The following CCDC152 variants were observed in gnomAD, a reference collection of about 807,000 sequenced individuals.
CCDC152 encodes coiled-coil domain containing 152.
Under a neutral mutation model 38.1 loss-of-function variants are expected in CCDC152, and 37 were observed. The observed-to-expected ratio is 0.97, with a 90% CI of 0.75 to 1.28. The LOEUF is 1.28. Among genes scored for constraint, CCDC152 ranks in the 50% most tolerant of loss-of-function variants. CCDC152 has a pLI of 0.00. For synonymous variants in CCDC152, 83 were observed against 87.1 expected (o/e 0.95, Z 0.26); for missense variants, 259 against 292.1 (o/e 0.89, Z 0.83).
At chr5:42,769,558 G>C (rs1428318341) in intron 3 of CCDC152, 39 bp from the exon 4 acceptor site, 8 of 1,428,408 alleles carry the variant, frequency 5.6e-6, no homozygotes, top group South Asian at 1.4e-5. Flanking sequence ...CAAAATGAAA[G>C]CAAGGGATTT....
At chr5:42,781,552 C>T (rs568824404) in intron 5 of CCDC152, among the ~76,000 whole-genome samples, 37 of 94,736 alleles carry the variant, frequency 3.9e-4, no homozygotes, top group Admixed American at 9.1e-4. Flanking sequence ...AATGCGCGCG[C>T]GCGCACACAC....
chr5:42,797,058 C>T (rs922379359), intron 7 of CCDC152, 102 bp downstream of exon 7: 2 of 905,374 alleles, frequency 2.2e-6, no homozygotes, highest in East Asian at 6.5e-5. Flanking sequence ...GGATTAGAAG[C>T]AATTCTGTGA....
rs1034602083 is a variant in CCDC152 at position 42,802,178 on chromosome 5, G to T, written c.*2397G>T. On this transcript the variant is annotated 3_prime_UTR_variant, in exon 9 of 9. Coordinates refer to ENST00000361970, the MANE Select transcript of CCDC152 (RefSeq NM_001134848.2). Reference sequence around the variant, plus strand: ...AGCTGAAAATAGCAAATTACTGCCCGACTCCCATTGACCATAATATCCATT... The same window carrying T: ...AGCTGAAAATAGCAAATTACTGCCCTACTCCCATTGACCATAATATCCATT... 7.9e-5 allele frequency: 12 copies of T among 152,096 alleles called. No homozygotes were observed. The highest frequency in any genetic ancestry group is 2.9e-4 in the African/African-American group (12 of 41,410). 9.4% of individuals were successfully genotyped at this position (152,096 alleles called of 1,614,324 possible). A position where few individuals can be genotyped will look rare whatever the true frequency, so the allele number is the denominator to read the frequency against.
At chr5:42,759,294 T>A in intron 2 of CCDC152, 86 bp downstream of exon 2, 1 of 677,752 alleles carries the variant, frequency 1.5e-6, no homozygotes, top group Non-Finnish European at 2.5e-6. Flanking sequence ...GAAAGAAAAA[T>A]ATACCAAAAA....
intron 5 of CCDC152, among the ~76,000 whole-genome samples, chr5:42,781,972 A>G (rs905887245): frequency 6.6e-6 from 1 of 152,138 alleles, no homozygotes; most frequent in Non-Finnish European, 1.5e-5. Context: ...TATCTTCACA[A>G]TTGTAAAATA....
chr5:42,782,781 G>A (rs913033563), intron 5 of CCDC152, among the ~76,000 whole-genome samples: 1 of 151,808 alleles, frequency 6.6e-6, no homozygotes, highest in Non-Finnish European at 1.5e-5. Flanking sequence ...TAATTGGCTT[G>A]AGTTTAGGCA....
intron 6 of CCDC152, 79 bp downstream of exon 6, chr5:42,783,655 A>T (rs1759878223): frequency 1.7e-6 from 1 of 580,754 alleles, no homozygotes; most frequent in Admixed American, 5.0e-5. Flanking sequence ...GGTATTTTGT[A>T]TAATGCTGGT....
At chr5:42,782,832 T>G (rs1399969415) in intron 5 of CCDC152, among the ~76,000 whole-genome samples, 1 of 152,018 alleles carries the variant, frequency 6.6e-6, no homozygotes, top group African/African-American at 2.4e-5. Flanking sequence ...ATGTTGTACA[T>G]CATAAATATA....
intron 4 of CCDC152, among the ~76,000 whole-genome samples, chr5:42,775,981 C>T (rs1388847526): frequency 1.4e-5 from 2 of 147,706 alleles, no homozygotes; most frequent in Admixed American, 6.7e-5. Flanking sequence ...AATGGAATCA[C>T]GTGAAATACT....
intron 6 of CCDC152, among the ~76,000 whole-genome samples, chr5:42,793,729 T>C (rs230807): frequency 0.55 from 84,204 of 151,968 alleles, 23,514 homozygotes; most frequent in Admixed American, 0.6. Flanking sequence ...CTGCGTCAGC[T>C]TCCTGAGTAG....
At chr5:42,790,358 C>T (rs1290326994) in intron 6 of CCDC152, among the ~76,000 whole-genome samples, 5 of 152,144 alleles carry the variant, frequency 3.3e-5, no homozygotes, top group Non-Finnish European at 7.3e-5. Context: ...AAACCTCACA[C>T]CTTTTAGAAC....
In CCDC152 at chr5:42,799,714, C is replaced by G. The variant is rs185552467; in HGVS notation, c.698C>G (p.Thr233Ser). Reference protein sequence around the residue: ...KNKEIAILRNTIRDLEQRLSV... With the variant: ...KNKEIAILRNSIRDLEQRLSV... ...AAGGAGATTGCAATTCTTCGTAATA[C>G]CATTCGCGATTTAGAGCAACGCCTT... Residue 233 changes from threonine to serine, a missense_variant, in exon 9 of 9, where the codon ACC becomes AGC. Physicochemically the swap from Thr to Ser is moderately conservative, Grantham distance 58. Transcript: ENST00000361970. 1 of 1,550,816 alleles carries G rather than the reference C, an allele frequency of 6.4e-7. No individual in the cohort carries two copies. The highest frequency in any genetic ancestry group is 2.0e-5 in the Admixed American group (1 of 50,970).
intron 2 of CCDC152, among the ~76,000 whole-genome samples, chr5:42,762,148 A>G (rs926693597): frequency 2.0e-5 from 3 of 152,240 alleles, no homozygotes; most frequent in Non-Finnish European, 4.4e-5. Flanking sequence ...GTGTAACATA[A>G]TGGTAAGTAT....
intron 4 of CCDC152, among the ~76,000 whole-genome samples, chr5:42,771,664 A>C (rs2111952782): frequency 6.6e-6 from 1 of 152,270 alleles, no homozygotes; most frequent in East Asian, 1.9e-4. Context: ...AAACTGGATA[A>C]CCTAGAAGAA....
At chr5:42,760,265 C>T (rs906754324) in intron 2 of CCDC152, among the ~76,000 whole-genome samples, 7 of 142,526 alleles carry the variant, frequency 4.9e-5, no homozygotes, top group African/African-American at 1.8e-4. Flanking sequence ...GATCGCGCCA[C>T]TGCACTCCAG....
chr5:42,799,559 T>A lies in CCDC152; in HGVS notation c.643-100T>A, dbSNP rs921716216. On this transcript the variant is annotated intron_variant, in intron 8 of 8. Transcript: ENST00000361970. ...CTTATTAACAATATAAGGTATTTTTTAAAATACCAATAGCAGAAGTGCATT... is the reference window on the plus strand; with the variant it reads ...CTTATTAACAATATAAGGTATTTTTAAAAATACCAATAGCAGAAGTGCATT... 18 of 1,164,482 alleles carry A rather than the reference T, an allele frequency of 1.5e-5. No individual in the cohort carries two copies. The South Asian group carries it at 2.1e-4, about 13-fold the overall frequency. 72.1% of individuals were successfully genotyped at this position (1,164,482 alleles called of 1,614,324 possible).
At chr5:42,771,431 AAATC>A (rs1759697759) in intron 4 of CCDC152, among the ~76,000 whole-genome samples, 1 of 152,104 alleles carries the variant, frequency 6.6e-6, no homozygotes, top group South Asian at 2.1e-4. Context: ...ATTATAGGAT[AAATC>A]AATCAAATAG....
intron 4 of CCDC152, among the ~76,000 whole-genome samples, chr5:42,775,332 T>C (rs1248156706): frequency 6.6e-6 from 1 of 151,964 alleles, no homozygotes; most frequent in East Asian, 1.9e-4. Flanking sequence ...GTGAGGAAAA[T>C]TATTTACCTA....
chr5:42,763,461 C>A (rs1257569727), intron 3 of CCDC152, among the ~76,000 whole-genome samples: 2 of 151,454 alleles, frequency 1.3e-5, no homozygotes, highest in East Asian at 4.4e-4. Flanking sequence ...TAGTCACTTT[C>A]TTTACTATAG....
Sources: allele counts gnomAD v4.1 joint callset (sites outside exome capture counted in the v4.1 genomes callset), GRCh38; gene constraint gnomAD v4.1.1; transcripts MANE v1.5; gene names NCBI Gene and HGNC (gene_info 2026-07-23, HGNC 2026-07-21).